ZNF540: variants seen among roughly 807,000 people sequenced by gnomAD.
ZNF540 encodes the protein CTD-3064H18.6.
In ZNF540, 3 loss-of-function variants were observed where a neutral mutation model predicts 11.8. The observed-to-expected ratio is 0.25, with a 90% confidence interval of 0.12 to 0.65. The LOEUF is 0.65. Among genes scored for constraint, ZNF540 ranks in the 30% least tolerant of loss-of-function variants. The pLI is 0.83. For synonymous variants in ZNF540, 247 were observed against 259.0 expected (o/e 0.95, Z 0.45); for missense variants, 709 against 793.1 (o/e 0.89, Z 1.27).
At chr19:37,606,234 T>G (rs1001341040) in intron 4 of ZNF540, among the ~76,000 whole-genome samples, 1 of 152,240 alleles carries the variant, frequency 6.6e-6, no homozygotes, top group African/African-American at 2.4e-5. Flanking sequence ...GGTCCATTTA[T>G]GAAGCAGCAT....
At chr19:37,589,076 T>C (rs777172511) in intron 1 of ZNF540, among the ~76,000 whole-genome samples, 1 of 151,704 alleles carries the variant, frequency 6.6e-6, no homozygotes, top group Non-Finnish European at 1.5e-5. Flanking sequence ...GGCGGGTGCT[T>C]GTGATCCCAG....
intron 1 of ZNF540, among the ~76,000 whole-genome samples, chr19:37,571,587 G>C (rs2043053778): frequency 6.6e-6 from 1 of 152,098 alleles, no homozygotes; most frequent in Non-Finnish European, 1.5e-5. Context: ...ATGATACTTA[G>C]ACTTAAGATT....
intron 4 of ZNF540, 117 bp downstream of exon 4, chr19:37,601,222 G>A (rs2044037379): frequency 1.3e-6 from 1 of 756,126 alleles, no homozygotes; most frequent in Non-Finnish European, 2.1e-6. Context: ...GAGGCCTCAG[G>A]CCTTTGGAGT....
At chr19:37,556,223 AGTGGT>A (rs1271308997) in intron 1 of ZNF540, 18 of 652,082 alleles carry the variant, frequency 2.8e-5, no homozygotes, top group Non-Finnish European at 4.7e-5. Flanking sequence ...TGGCCCTCCA[AGTGGT>A]GTTTGCAAAT....
intron 4 of ZNF540, among the ~76,000 whole-genome samples, chr19:37,609,075 G>A (rs1048000089): frequency 1.3e-5 from 2 of 152,180 alleles, no homozygotes; most frequent in Admixed American, 6.5e-5. Flanking sequence ...CAGTTACTCT[G>A]TTCTCCCTAA....
intron 1 of ZNF540, among the ~76,000 whole-genome samples, chr19:37,582,697 T>A (rs192267242): frequency 6.6e-6 from 1 of 152,302 alleles, no homozygotes; most frequent in East Asian, 1.9e-4. Context: ...TTCCAAACCC[T>A]GATGCCTCTA....
chr19:37,604,608 G>C (rs1405344049), intron 4 of ZNF540, among the ~76,000 whole-genome samples: 2 of 151,972 alleles, frequency 1.3e-5, no homozygotes, highest in Non-Finnish European at 1.5e-5. Flanking sequence ...CGCCTGGCCA[G>C]CCTTACTATT....
chr19:37,603,004 CTTTT>C (rs569985494), intron 4 of ZNF540, among the ~76,000 whole-genome samples: 1 of 113,230 alleles, frequency 8.8e-6, no homozygotes, highest in East Asian at 2.8e-4. Flanking sequence ...TGTAAGGAGT[CTTTT>C]TTTTTTTTTT....
At chr19:37,555,008 C>A (rs1378406604) in intron 1 of ZNF540, 2 of 152,174 alleles carry the variant, frequency 1.3e-5, no homozygotes, top group African/African-American at 4.8e-5. Flanking sequence ...AAGACTATTA[C>A]AAGGTGATAG....
At chr19:37,604,031 A>G (rs1161706386) in intron 4 of ZNF540, among the ~76,000 whole-genome samples, 1 of 138,636 alleles carries the variant, frequency 7.2e-6, no homozygotes, top group Non-Finnish European at 1.5e-5. Context: ...ATAATTTTAT[A>G]AAAAGGATAA....
chr19:37,556,152 C>T (rs574631017), intron 1 of ZNF540: 49 of 702,144 alleles, frequency 7.0e-5, no homozygotes, highest in Middle Eastern at 4.6e-4. Context: ...TTCGCGGGTA[C>T]GGGCTGGCTC....
intron 1 of ZNF540, chr19:37,562,504 C>T (rs954890854): frequency 6.6e-6 from 1 of 152,002 alleles, no homozygotes; most frequent in Admixed American, 6.5e-5. Flanking sequence ...TACAGTAACT[C>T]AATTTTGAGG....
intron 1 of ZNF540, among the ~76,000 whole-genome samples, chr19:37,559,466 A>G (rs1331100501): frequency 1.3e-5 from 2 of 152,236 alleles, no homozygotes; most frequent in Non-Finnish European, 2.9e-5. Context: ...CTTATGGGGA[A>G]TGGATAGAGT....
upstream of ZNF540, chr19:37,594,452 C>G (rs1454634706): frequency 6.6e-6 from 1 of 152,294 alleles, no homozygotes; most frequent in Non-Finnish European, 1.5e-5. Context: ...GTTATGGTGC[C>G]GATTTTGTCC....
At chr19:37,555,155 G>A (rs1025607279) in intron 1 of ZNF540, 5 of 152,130 alleles carry the variant, frequency 3.3e-5, no homozygotes, top group African/African-American at 4.8e-5. Context: ...TTGAGGAAGC[G>A]GCTGCCAGTG....
intron 1 of ZNF540, among the ~76,000 whole-genome samples, chr19:37,553,009 G>GTTT (rs34788856): frequency 7.2e-6 from 1 of 139,184 alleles, no homozygotes; most frequent in Non-Finnish European, 1.5e-5. Flanking sequence ...TTTGCATGGT[G>GTTT]TTTTTTTTTT....
intron 1 of ZNF540, chr19:37,562,377 GTTT>G (rs113562573): frequency 6.7e-6 from 1 of 149,598 alleles, no homozygotes; most frequent in Admixed American, 6.7e-5. Context: ...GCGAAACTCC[GTTT>G]TTTTTTTGTT....
At chr19:37,564,825 ACT>A in intron 1 of ZNF540, 1 of 1,613,872 alleles carries the variant, frequency 6.2e-7, no homozygotes, top group Non-Finnish European at 8.5e-7. Flanking sequence ...GCCTTCCCAC[ACT>A]GTTTACATTC....
chr19:37,589,772 A>G (rs560456767), intron 1 of ZNF540, among the ~76,000 whole-genome samples: 11 of 147,586 alleles, frequency 7.5e-5, no homozygotes, highest in African/African-American at 2.7e-4. Context: ...AGGCTGAGGC[A>G]AAGAATTGCT....
Sources: allele counts gnomAD v4.1 joint callset (sites outside exome capture counted in the v4.1 genomes callset), GRCh38; gene constraint gnomAD v4.1.1; transcripts MANE v1.5; gene names NCBI Gene and HGNC (gene_info 2026-07-23, HGNC 2026-07-21).